CTNNA3: variants seen among roughly 807,000 people sequenced by gnomAD.
The protein encoded by CTNNA3 is catenin alpha-3.
Under a neutral mutation model 95.7 loss-of-function variants are expected in CTNNA3, and 76 were observed. That is an observed-to-expected ratio of 0.79 (90% CI 0.66 to 0.96). CTNNA3 has a LOEUF of 0.96. CTNNA3 is among the 40% of genes least tolerant of loss of function. The pLI, the probability that CTNNA3 is intolerant of heterozygous loss-of-function variation, is 0.00. For synonymous variants in CTNNA3, 431 were observed against 374.4 expected (o/e 1.15, Z -1.74); for missense variants, 1,191 against 1,089.8 (o/e 1.09, Z -1.31).
At chr10:66,912,516 T>G (rs760010584) in intron 7 of CTNNA3, among the ~76,000 whole-genome samples, 10 of 152,164 alleles carry the variant, frequency 6.6e-5, no homozygotes, top group Non-Finnish European at 1.5e-4. Context: ...TGTAAGATAT[T>G]GAAAACATTT....
At chr10:67,347,846 A>AAAC (rs1564585019) in intron 5 of CTNNA3, among the ~76,000 whole-genome samples, 1 of 151,318 alleles carries the variant, frequency 6.6e-6, no homozygotes, top group Non-Finnish European at 1.5e-5. Flanking sequence ...AAAAAAAAAA[A>AAAC]AACACAAAAA....
At chr10:66,508,211 T>TTTTTTTTTTTTTG (rs1840528159) in intron 11 of CTNNA3, among the ~76,000 whole-genome samples, 1 of 91,178 alleles carries the variant, frequency 1.1e-5, no homozygotes, top group Non-Finnish European at 2.1e-5. Flanking sequence ...TTGTTTTCTG[T>TTTTTTTTTTTTTG]TTTTTTTTTT....
At chr10:67,425,123 A>G (rs936966387) in intron 5 of CTNNA3, among the ~76,000 whole-genome samples, 6 of 152,156 alleles carry the variant, frequency 3.9e-5, no homozygotes, top group African/African-American at 1.4e-4. Context: ...TACCTGTGAA[A>G]TATAAGAAAA....
chr10:66,241,696 G>T (rs1317296800), intron 13 of CTNNA3, among the ~76,000 whole-genome samples: 1 of 127,210 alleles, frequency 7.9e-6, no homozygotes, highest in Non-Finnish European at 1.5e-5. Flanking sequence ...GCTATAGAAA[G>T]AAACCATGAA....
chr10:67,358,850 G>C (rs1842906287), intron 5 of CTNNA3, among the ~76,000 whole-genome samples: 1 of 152,086 alleles, frequency 6.6e-6, no homozygotes, highest in Non-Finnish European at 1.5e-5. Context: ...AGTGATTAAA[G>C]AGGTCTCCCC....
chr10:66,379,392 G>T, intron 11 of CTNNA3, 40 bp from the exon 12 acceptor site: 1 of 1,504,762 alleles, frequency 6.6e-7, no homozygotes, highest in Non-Finnish European at 9.2e-7. Flanking sequence ...GCGTGTGTCT[G>T]TGTTTAAAAT....
At chr10:66,587,609 A>T (rs988939341) in intron 10 of CTNNA3, among the ~76,000 whole-genome samples, 1 of 152,132 alleles carries the variant, frequency 6.6e-6, no homozygotes, top group Non-Finnish European at 1.5e-5. Context: ...CTACTGGGGT[A>T]ATATTTCAGG....
chr10:66,840,372 T>TCTCTCTCTCTCACACA (rs1843023433), intron 7 of CTNNA3, among the ~76,000 whole-genome samples: 1 of 71,330 alleles, frequency 1.4e-5, no homozygotes, highest in East Asian at 4.3e-4. Flanking sequence ...TCTCTCTCTC[T>TCTCTCTCTCTCACACA]CACACACACA....
At chr10:67,122,549 CAT>C (rs1189631243) in intron 7 of CTNNA3, among the ~76,000 whole-genome samples, 3 of 152,022 alleles carry the variant, frequency 2.0e-5, no homozygotes, top group Admixed American at 1.3e-4. Context: ...TTTTTTAAAA[CAT>C]ACAATTTGGT....
chr10:66,116,303 A>T (rs561770911), intron 13 of CTNNA3, among the ~76,000 whole-genome samples: 11 of 152,274 alleles, frequency 7.2e-5, no homozygotes, highest in Admixed American at 2.0e-4. Context: ...TGTTTTTTTT[A>T]AAATGTCCAT....
At chr10:67,726,383 AAAT>A (rs1256114795) in intron 1 of CTNNA3, among the ~76,000 whole-genome samples, 23 of 37,088 alleles carry the variant, frequency 6.2e-4, no homozygotes, top group African/African-American at 1.6e-3. Context: ...ATTATATATG[AAAT>A]TATATATATT....
At chr10:66,710,230 A>G (rs1848248316) in intron 9 of CTNNA3, among the ~76,000 whole-genome samples, 4 of 152,148 alleles carry the variant, frequency 2.6e-5, no homozygotes, top group Admixed American at 6.6e-5. Flanking sequence ...TTCTGCAGGC[A>G]TCTCAAGGTC....
At chr10:67,224,526 C>A (rs1368640170) in intron 5 of CTNNA3, among the ~76,000 whole-genome samples, 1 of 152,140 alleles carries the variant, frequency 6.6e-6, no homozygotes, top group Non-Finnish European at 1.5e-5. Flanking sequence ...TGGGAGACAC[C>A]ACAAATACTG....
At chr10:67,509,157 T>G (rs1226062917) in intron 5 of CTNNA3, among the ~76,000 whole-genome samples, 2 of 152,068 alleles carry the variant, frequency 1.3e-5, no homozygotes, top group Admixed American at 1.3e-4. Context: ...ATTACAGGTG[T>G]GAGCCACTGT....
chr10:66,669,165 C>T (rs1204707329), intron 9 of CTNNA3, among the ~76,000 whole-genome samples: 1 of 151,600 alleles, frequency 6.6e-6, no homozygotes, highest in East Asian at 1.9e-4. Context: ...CACAGGTGTT[C>T]ATTCATTATT....
chr10:66,037,022 G>A (rs1169390755), intron 15 of CTNNA3, among the ~76,000 whole-genome samples: 8 of 151,712 alleles, frequency 5.3e-5, no homozygotes, highest in Non-Finnish European at 1.0e-4. Context: ...ACAGGCACCC[G>A]CCACCATGCC....
At chr10:67,675,940 C>G (rs1840526700) in intron 1 of CTNNA3, among the ~76,000 whole-genome samples, 1 of 151,732 alleles carries the variant, frequency 6.6e-6, no homozygotes, top group Non-Finnish European at 1.5e-5. Flanking sequence ...TATGTCCTAT[C>G]CTAAGATCAT....
At chr10:67,119,651 G>A (rs967561419) in intron 7 of CTNNA3, among the ~76,000 whole-genome samples, 1 of 151,830 alleles carries the variant, frequency 6.6e-6, no homozygotes, top group East Asian at 1.9e-4. Context: ...ATGGGTTTTT[G>A]TGCAGTGTGA....
chr10:67,606,932 C>T lies in CTNNA3; in HGVS notation c.217G>A (p.Gly73Arg), dbSNP rs752125801. ...EEATWNLLDK[G>R]EKIAQEATVL... is the part of the protein sequence containing the mutation. Reference sequence around the variant, plus strand: ...GTAGCTTCCTGGGCAATCTTCTCTCCCTTGTCTAATAAATTCCAAGTTGCT... The same window carrying T: ...GTAGCTTCCTGGGCAATCTTCTCTCTCTTGTCTAATAAATTCCAAGTTGCT... The change falls in exon 3 of 18, where the codon GGA becomes AGA. Residue 73 changes from glycine (G) to arginine (R), a missense_variant. Gly to Arg is a moderately radical substitution (Grantham distance 125). Coordinates refer to ENST00000433211, the MANE Select transcript of CTNNA3 (RefSeq NM_013266.4). The T allele has an allele frequency of 6.2e-7, 1 of 1,614,082 alleles. No individual in the cohort carries two copies. The highest frequency in any genetic ancestry group is 8.5e-7 in the Non-Finnish European group (1 of 1,179,954).
Sources: allele counts gnomAD v4.1 joint callset (sites outside exome capture counted in the v4.1 genomes callset), GRCh38; gene constraint gnomAD v4.1.1; transcripts MANE v1.5; gene names NCBI Gene and HGNC (gene_info 2026-07-23, HGNC 2026-07-21).